The following RPL18A variants were observed in gnomAD, a reference collection of about 807,000 sequenced individuals.
RPL18A encodes ribosomal protein L18a.
For synonymous variants in RPL18A, 122 were observed against 96.9 expected, an observed-to-expected ratio of 1.26 and a Z score of -1.52; for missense variants, 163 against 254.1, an observed-to-expected ratio of 0.64 and a Z score of 2.44.
At position 17,861,430 on chromosome 19, in the gene RPL18A, G is replaced by A; in HGVS notation, c.156G>A (p.Lys52=). 6.2e-7 allele frequency: 1 copy of A among 1,605,132 alleles called. No homozygotes were observed. The highest frequency in any genetic ancestry group is 1.1e-5 in the South Asian group (1 of 90,178). The change falls in exon 2 of 5, where the codon AAG becomes AAA. Residue 52 remains lysine, a synonymous_variant. Coordinates refer to ENST00000222247, the MANE Select transcript of RPL18A (RefSeq NM_000980.4). ...TCTGGTACTTTGTATCTCAGTTAAA[G>A]AAGATGAAGAAGTCTTCAGGGGAGA... The part of the protein sequence containing the change: ...SRFWYFVSQL[K]KMKKSSGEIV...
At chr19:17,860,233 T>G in intron 1 of RPL18A, 1 of 497,746 alleles carries the variant, frequency 2.0e-6, no homozygotes, top group Non-Finnish European at 3.5e-6. Context: ...AAGGAATAAG[T>G]CGCGCAGCAT....
intron 2 of RPL18A, chr19:17,861,778 A>T: frequency 1.9e-6 from 1 of 539,534 alleles, no homozygotes; most frequent in Non-Finnish European, 3.3e-6. Context: ...GGTGATGGCT[A>T]TCTGGTCAGT....
rs1289364958 is a variant in RPL18A at position 17,863,308 on chromosome 19, G to T, written c.*45G>T. On this transcript the variant is annotated 3_prime_UTR_variant, in exon 5 of 5. Coordinates refer to ENST00000222247, the MANE Select transcript of RPL18A (RefSeq NM_000980.4). Reference sequence around the variant, plus strand: ...GTGTGCCCCAAATAAACTCAGGAACGCCCCGGTGCTCGCCGCATGTTTTCT... The same window carrying T: ...GTGTGCCCCAAATAAACTCAGGAACTCCCCGGTGCTCGCCGCATGTTTTCT... The T allele has an allele frequency of 9.9e-6, 13 of 1,314,100 alleles. No individual in the cohort carries two copies. Among genetic ancestry groups the T allele is most frequent in the Non-Finnish European group, 1.3e-5 (12 of 922,392 alleles). The allele number at this position is 1,314,100 out of a possible 1,614,324, so 81.4% of individuals were successfully genotyped here.
intron 2 of RPL18A, 130 bp downstream of exon 2, chr19:17,861,602 C>T (rs959304303): frequency 1.4e-6 from 1 of 704,392 alleles, no homozygotes. Flanking sequence ...TCACATCAGA[C>T]ATCAGAGCCC....
At position 17,862,143 on chromosome 19, in the gene RPL18A, G is replaced by T. The variant is rs565769311; in HGVS notation, c.248G>T (p.Arg83Leu). The T allele has an allele frequency of 6.2e-7, 1 of 1,612,610 alleles. No individual in the cohort carries two copies. The highest frequency in any genetic ancestry group is 2.2e-5 in the East Asian group (1 of 44,886). Residue 83 changes from arginine to leucine, a missense_variant, in exon 3 of 5, where the codon CGC (arginine) becomes CTC (leucine). By Grantham distance (102) the Arg-to-Leu change is moderately radical. Coordinates refer to ENST00000222247, the MANE Select transcript of RPL18A (RefSeq NM_000980.4). ...LRVKNFGIWLRYDSRSGTHNM... is the reference protein window; with the variant it reads ...LRVKNFGIWLLYDSRSGTHNM... ...GTGAAGAACTTCGGGATCTGGCTGC[G>T]CTATGACTCCCGGAGCGGCACCCAC...
chr19:17,861,514 G>T (rs748617012), intron 2 of RPL18A, 42 bp downstream of exon 2: 4 of 1,479,384 alleles, frequency 2.7e-6, no homozygotes, highest in African/African-American at 1.4e-5. Flanking sequence ...GAGTGGATTT[G>T]CGCCTCTTGG....
At chr19:17,862,348 C>G (rs1437805431) in intron 3 of RPL18A, 125 bp downstream of exon 3, 3 of 1,199,274 alleles carry the variant, frequency 2.5e-6, no homozygotes, top group Non-Finnish European at 3.5e-6. Flanking sequence ...CACAGGAAGA[C>G]AAAAGGATGC....
In RPL18A at chr19:17,862,959, A is replaced by G. The variant is rs757837353; in HGVS notation, c.370A>G (p.Ile124Val). 7 of 1,612,370 alleles carry G rather than the reference A, an allele frequency of 4.3e-6. No homozygotes were observed. Among genetic ancestry groups the G allele is most frequent in the Admixed American group, 1.7e-5 (1 of 59,986 alleles). Reference protein sequence around the residue: ...GARHRARAHSIQIMKVEEIAA... With the variant: ...GARHRARAHSVQIMKVEEIAA... Reference sequence around the variant, plus strand: ...CCGGCACCGCGCCCGAGCCCACTCCATTCAGATCATGAAGGTGGAGGAGAT... The same window carrying G: ...CCGGCACCGCGCCCGAGCCCACTCCGTTCAGATCATGAAGGTGGAGGAGAT... The change falls in exon 4 of 5, where the codon ATT becomes GTT. Residue 124 changes from isoleucine to valine, a missense_variant. Transcript: ENST00000222247.
Position 17,863,178 on chromosome 19 carries a change from A to G in RPL18A, c.446A>G (p.Lys149Arg), listed in dbSNP as rs1365991910. The change falls in exon 5 of 5, where the codon AAG becomes AGG. Residue 149 changes from lysine to arginine, a missense_variant. Coordinates refer to ENST00000222247, the MANE Select transcript of RPL18A (RefSeq NM_000980.4). Reference protein sequence around the residue: ...RPAVKQFHDSKIKFPLPHRVL... With the variant: ...RPAVKQFHDSRIKFPLPHRVL... Reference sequence around the variant, plus strand: ...TGCCTCCCTTCCTCACAGGACTCCAAGATCAAGTTCCCGCTGCCCCACCGG... The same window carrying G: ...TGCCTCCCTTCCTCACAGGACTCCAGGATCAAGTTCCCGCTGCCCCACCGG... 6.2e-7 allele frequency: 1 copy of G among 1,612,964 alleles called. No individual in the cohort carries two copies. Among genetic ancestry groups the G allele is most frequent in the South Asian group, 1.1e-5 (1 of 91,034 alleles).
intron 2 of RPL18A, 90 bp downstream of exon 2, chr19:17,861,562 G>A (rs1019456729): frequency 1.7e-5 from 18 of 1,042,940 alleles, no homozygotes; most frequent in East Asian, 1.0e-4. Context: ...GACATCGAAC[G>A]GGTGCGGTAG....
At chr19:17,860,005 A>C (rs1261849443) in intron 1 of RPL18A, 31 bp downstream of exon 1, 2 of 1,508,052 alleles carry the variant, frequency 1.3e-6, no homozygotes, top group Admixed American at 4.7e-5. Flanking sequence ...CAGGGGGCCA[A>C]GGGATGGGGC....
In RPL18A at chr19:17,860,158, A is replaced by G. The variant is rs536408646; in HGVS notation, c.18+184A>G. The stretch of plus-strand genomic sequence containing the variant: ...TCGTGGGAGCCGCGTGGAGAGAGCG[A>G]TGCGTGACCTGGGCCAGCTCAGGGA... On this transcript the variant is annotated intron_variant, in intron 1 of 4. Transcript: ENST00000222247. 1.3e-3 allele frequency: 727 copies of G among 552,746 alleles called. 5 individuals carry two copies. The highest frequency in any genetic ancestry group is 9.1e-3 in the East Asian group (262 of 28,668). The allele number at this position is 552,746 out of a possible 1,614,324, so 34.2% of individuals were successfully genotyped here. A position where few individuals can be genotyped will look rare whatever the true frequency, so the allele number is the denominator to read the frequency against.
chr19:17,862,979 G>A lies in RPL18A; in HGVS notation c.390G>A (p.Glu130=), dbSNP rs763743525. 20 of 1,612,454 alleles carry A rather than the reference G, an allele frequency of 1.2e-5. No individual in the cohort carries two copies. Among genetic ancestry groups the A allele is most frequent in the East Asian group, 2.2e-5 (1 of 44,882 alleles). The part of the protein sequence containing the change: ...RAHSIQIMKV[E]EIAASKCRRP... Reference sequence around the variant, plus strand: ...ACTCCATTCAGATCATGAAGGTGGAGGAGATCGCGGCCAGCAAGTGCCGCC... The same window carrying A: ...ACTCCATTCAGATCATGAAGGTGGAAGAGATCGCGGCCAGCAAGTGCCGCC... Residue 130 remains glutamate, a synonymous_variant, in exon 4 of 5, where the codon GAG becomes GAA. Transcript: ENST00000222247.
chr19:17,862,524 T>TTGGGAG, intron 3 of RPL18A: 1 of 701,958 alleles, frequency 1.4e-6, no homozygotes, highest in Non-Finnish European at 2.6e-6. Flanking sequence ...CTGCCTAGTG[T>TTGGGAG]TGGGAGCTGG....
rs1320607432 is a variant in RPL18A at position 17,861,716 on chromosome 19, G to A, written c.198+244G>A. ...AGGGAGCGGGTGGGTGGCATGGTGG[G>A]ACACCTTGGTTGGTGCTGTCTTCCC... On this transcript the variant is annotated intron_variant, in intron 2 of 4. Transcript: ENST00000222247. 6 of 564,778 alleles carry A rather than the reference G, an allele frequency of 1.1e-5. No individual in the cohort carries two copies. The Admixed American group carries it at 1.6e-4, about 15-fold the overall frequency. 35.0% of individuals were successfully genotyped at this position (564,778 alleles called of 1,614,324 possible). A position where few individuals can be genotyped will look rare whatever the true frequency, so the allele number is the denominator to read the frequency against.
chr19:17,862,676 G>A (rs765381448), intron 3 of RPL18A: 3 of 753,292 alleles, frequency 4.0e-6, no homozygotes, highest in South Asian at 2.7e-5. Flanking sequence ...GCCTTTGGGG[G>A]GCTGTGGCCG....
chr19:17,861,075 A>G lies in RPL18A; in HGVS notation c.19-218A>G. On this transcript the variant is annotated intron_variant, in intron 1 of 4. Transcript: ENST00000222247. ...AAAGGAGAGGCAGGCAACTCAATTAATCCTCCCTGGAGACCTCCCTCTCCT... is the reference window on the plus strand; with the variant it reads ...AAAGGAGAGGCAGGCAACTCAATTAGTCCTCCCTGGAGACCTCCCTCTCCT... 5.3e-6 allele frequency: 3 copies of G among 566,002 alleles called. No individual in the cohort carries two copies. The South Asian group carries it at 6.6e-5, about 13-fold the overall frequency. The allele number at this position is 566,002 out of a possible 1,614,324, so 35.1% of individuals were successfully genotyped here.
chr19:17,861,220 G>A (rs1156459465), intron 1 of RPL18A, 73 bp from the exon 2 acceptor site: 1 of 1,407,458 alleles, frequency 7.1e-7, no homozygotes, highest in East Asian at 2.4e-5. Flanking sequence ...ACTAGATGTA[G>A]GAAAGGGAGT....
At position 17,863,229 on chromosome 19, in the gene RPL18A, G is replaced by A; in HGVS notation, c.497G>A (p.Arg166His). The change falls in exon 5 of 5, where the codon CGC (arginine) becomes CAC (histidine). Residue 166 changes from arginine to histidine, a missense_variant. Arg to His is a conservative substitution (Grantham distance 29). Coordinates refer to ENST00000222247, the MANE Select transcript of RPL18A (RefSeq NM_000980.4). ...GTCCTGCGCCGTCAGCACAAGCCAC[G>A]CTTCACCACCAAGAGGCCCAACACC... ...HRVLRRQHKPRFTTKRPNTFF is the reference protein window; with the variant it reads ...HRVLRRQHKPHFTTKRPNTFF The A allele has an allele frequency of 4.3e-6, 7 of 1,609,932 alleles. No homozygotes were observed. Among genetic ancestry groups the A allele is most frequent in the Non-Finnish European group, 5.9e-6 (7 of 1,178,006 alleles).
Sources: allele counts gnomAD v4.1 joint callset, GRCh38; gene constraint gnomAD v4.1.1; transcripts MANE v1.5; gene names NCBI Gene and HGNC (gene_info 2026-07-23, HGNC 2026-07-21).